Variants in EGFLAM observed in about 807,000 individuals in gnomAD.
EGFLAM encodes EGF like, fibronectin type III and laminin G domains, also known as pikachurin.
A neutral mutation model predicts 113.1 loss-of-function variants in EGFLAM; 79 were observed. The observed-to-expected ratio is 0.70, with a 90% CI of 0.58 to 0.84. The LOEUF (loss-of-function observed/expected upper bound fraction) is 0.84. EGFLAM is among the 40% of genes least tolerant of loss of function. The pLI is 0.00. For missense variants in EGFLAM, 1,265 were observed against 1,291.6 expected (o/e 0.98, Z 0.32); for synonymous variants, 504 against 487.6 (o/e 1.03, Z -0.44).
In EGFLAM at chr5:38,386,485, G is replaced by A. The variant is rs541985991; in HGVS notation, c.712+16023G>A. ...TGAGATTACAGGCGTGAGCCACTGC[G>A]CCCAGCCCACAAATACTTATTTTTT... On this transcript the variant is annotated intron_variant, in intron 6 of 21. Coordinates refer to ENST00000322350, the MANE Select transcript of EGFLAM (RefSeq NM_152403.4). 2.0e-5 allele frequency among the ~76,000 whole-genome samples: 3 copies of A among 152,038 alleles called. No homozygotes were observed. In the South Asian group the frequency reaches 6.2e-4, roughly 32 times the overall value.
intron 1 of EGFLAM, among the ~76,000 whole-genome samples, chr5:38,263,994 G>T (rs558767283): frequency 6.6e-6 from 1 of 152,158 alleles, no homozygotes; most frequent in African/African-American, 2.4e-5. Flanking sequence ...AGTAGATAGG[G>T]TATAGATCGT....
intron 5 of EGFLAM, among the ~76,000 whole-genome samples, chr5:38,357,436 G>A (rs1739792094): frequency 1.3e-5 from 2 of 152,140 alleles, no homozygotes; most frequent in African/African-American, 4.8e-5. Flanking sequence ...ACAGCCCAAA[G>A]AGACTAAGAC....
intron 1 of EGFLAM, among the ~76,000 whole-genome samples, chr5:38,273,700 A>T (rs1279509161): frequency 1.3e-5 from 2 of 152,216 alleles, no homozygotes; most frequent in Non-Finnish European, 2.9e-5. Flanking sequence ...ACCTGCCCAA[A>T]ATCTCTAGAT....
chr5:38,321,259 A>C (rs1738732790), intron 1 of EGFLAM, among the ~76,000 whole-genome samples: 1 of 152,132 alleles, frequency 6.6e-6, no homozygotes, highest in Non-Finnish European at 1.5e-5. Flanking sequence ...ACAGTTCACA[A>C]TAGGGTTCGT....
intron 6 of EGFLAM, among the ~76,000 whole-genome samples, chr5:38,398,784 C>T (rs1319238738): frequency 6.6e-6 from 1 of 152,200 alleles, no homozygotes; most frequent in Non-Finnish European, 1.5e-5. Flanking sequence ...GACATTATTC[C>T]GTCTAACCAA....
At chr5:38,445,543 G>T in intron 17 of EGFLAM, 1 of 1,581,744 alleles carries the variant, frequency 6.3e-7, no homozygotes, top group Admixed American at 1.7e-5. Context: ...CTAAGAGGAC[G>T]TTCTGGACTC....
intron 6 of EGFLAM, among the ~76,000 whole-genome samples, chr5:38,402,999 C>T (rs1406154225): frequency 1.3e-5 from 2 of 152,196 alleles, no homozygotes; most frequent in African/African-American, 4.8e-5. Context: ...AGAGACCAAA[C>T]TACTGAAGAC....
rs1390735235 is a variant in EGFLAM, at chr5:38,418,290, T to A, written c.1684+35T>A. 8.1e-6 allele frequency: 13 copies of A among 1,608,782 alleles called. No homozygotes were observed. In the South Asian group the frequency reaches 1.2e-4, roughly 15 times the overall value. On this transcript the variant is annotated intron_variant, in intron 12 of 21. Transcript: ENST00000322350. ...TGCCTGGTGGGTTGGGGTACTCTTA[T>A]GGGACTTATGTCTTATGGGACTGCC...
At position 38,408,046 on chromosome 5, in the gene EGFLAM, C is replaced by T. The variant is rs972322765; in HGVS notation, c.1248+141C>T. Reference sequence around the variant, plus strand: ...ATATGACACAGAGCCTGTCTCTAAACCAGCTCATGAGACAATAGGAATGAA... The same window carrying T: ...ATATGACACAGAGCCTGTCTCTAAATCAGCTCATGAGACAATAGGAATGAA... On this transcript the variant is annotated intron_variant, in intron 9 of 21. Coordinates refer to ENST00000322350, the MANE Select transcript of EGFLAM (RefSeq NM_152403.4). The T allele has an allele frequency of 4.8e-6, 3 of 625,872 alleles. No individual in the cohort carries two copies. The African/African-American group carries it at 5.5e-5, about 12-fold the overall frequency. 38.8% of individuals were successfully genotyped at this position (625,872 alleles called of 1,614,324 possible).
At chr5:38,354,145 A>T (rs1284986326) in intron 5 of EGFLAM, among the ~76,000 whole-genome samples, 1 of 151,680 alleles carries the variant, frequency 6.6e-6, no homozygotes, top group Non-Finnish European at 1.5e-5. Context: ...AGAGTCTAAG[A>T]TTTTTTTTTA....
At chr5:38,354,859 A>G (rs1256501562) in intron 5 of EGFLAM, among the ~76,000 whole-genome samples, 1 of 152,170 alleles carries the variant, frequency 6.6e-6, no homozygotes, top group East Asian at 1.9e-4. Context: ...TTTTCTCTAT[A>G]TCTATGTAAG....
At chr5:38,314,412 T>A (rs1238284888) in intron 1 of EGFLAM, among the ~76,000 whole-genome samples, 1 of 152,112 alleles carries the variant, frequency 6.6e-6, no homozygotes, top group Non-Finnish European at 1.5e-5. Flanking sequence ...CAAGAGAGGG[T>A]CCGGCAGAGC....
intron 6 of EGFLAM, among the ~76,000 whole-genome samples, chr5:38,391,266 A>G (rs1461427602): frequency 2.0e-5 from 3 of 152,172 alleles, no homozygotes; most frequent in African/African-American, 7.2e-5. Flanking sequence ...TCGTAATGAC[A>G]TCTTTCTGGT....
intron 11 of EGFLAM, 139 bp downstream of exon 11, chr5:38,412,787 G>T: frequency 7.6e-7 from 1 of 1,320,816 alleles, no homozygotes; most frequent in Middle Eastern, 2.7e-4. Context: ...ATTTCTCATG[G>T]TGAACCCATG....
intron 11 of EGFLAM, among the ~76,000 whole-genome samples, chr5:38,414,574 T>A (rs1316720104): frequency 6.6e-6 from 1 of 152,174 alleles, no homozygotes; most frequent in Non-Finnish European, 1.5e-5. Flanking sequence ...GTGACTCAGA[T>A]GGTGACTCTA....
intron 20 of EGFLAM, among the ~76,000 whole-genome samples, chr5:38,459,791 A>C (rs111597702): frequency 6.8e-6 from 1 of 146,030 alleles, no homozygotes; most frequent in African/African-American, 2.8e-5. Context: ...TGGGCCCCCA[A>C]CCCTGGCTGT....
intron 16 of EGFLAM, among the ~76,000 whole-genome samples, chr5:38,436,334 T>C (rs1331911503): frequency 6.6e-6 from 1 of 152,148 alleles, no homozygotes; most frequent in Non-Finnish European, 1.5e-5. Flanking sequence ...AGGATCCTTT[T>C]TGGACCTGAG....
intron 6 of EGFLAM, among the ~76,000 whole-genome samples, chr5:38,394,698 C>T (rs1460582087): frequency 1.4e-5 from 2 of 143,566 alleles, no homozygotes; most frequent in Admixed American, 7.2e-5. Context: ...CGTGAGCCAC[C>T]GCGCCGGGCC....
At chr5:38,350,741 A>G in intron 4 of EGFLAM, 123 bp downstream of exon 4, 1 of 893,396 alleles carries the variant, frequency 1.1e-6, no homozygotes, top group South Asian at 1.7e-5. Context: ...AATTCAGTAG[A>G]GAACAAAAGT....
Sources: allele counts gnomAD v4.1 joint callset (sites outside exome capture counted in the v4.1 genomes callset), GRCh38; gene constraint gnomAD v4.1.1; transcripts MANE v1.5; gene names NCBI Gene and HGNC (gene_info 2026-07-23, HGNC 2026-07-21).